OLFM1: variants seen among roughly 807,000 people sequenced by gnomAD.
OLFM1 encodes noelin.
A neutral mutation model predicts 49.7 loss-of-function variants in OLFM1; 9 were observed. The observed-to-expected ratio is 0.18, with a 90% confidence interval of 0.11 to 0.32. The LOEUF (loss-of-function observed/expected upper bound fraction) is 0.32, where lower values mean the gene tolerates loss of function less well. Ranked by LOEUF, OLFM1 falls within the 10% of genes least tolerant of loss-of-function variation. The pLI is 1.00. For synonymous variants in OLFM1, 240 were observed against 271.8 expected (o/e 0.88, Z 1.15); for missense variants, 369 against 661.8 (o/e 0.56, Z 4.85).
At chr9:135,114,894 C>T (rs566072197) in intron 5 of OLFM1, among the ~76,000 whole-genome samples, 4 of 152,144 alleles carry the variant, frequency 2.6e-5, no homozygotes, top group African/African-American at 9.7e-5. Flanking sequence ...GGATTATTCC[C>T]ATGTGCATGG....
intron 1 of OLFM1, chr9:135,077,280 G>A: frequency 6.9e-7 from 1 of 1,446,422 alleles, no homozygotes; most frequent in Non-Finnish European, 9.1e-7. Flanking sequence ...CCTTGGCAAA[G>A]AGATGGCTGA....
At position 135,088,618 on chromosome 9, in the gene OLFM1, C is replaced by T. The variant is rs1377695079; in HGVS notation, c.150+479C>T. 2.6e-5 allele frequency among the ~76,000 whole-genome samples: 4 copies of T among 151,814 alleles called. No individual in the cohort carries two copies. The highest frequency in any genetic ancestry group is 4.8e-5 in the African/African-American group (2 of 41,346). On this transcript the variant is annotated intron_variant, in intron 1 of 5. Coordinates refer to ENST00000371793, the MANE Select transcript of OLFM1 (RefSeq NM_001282611.2). This position sits in a 1 kb window ranked among gnomAD's most constrained non-coding sequence, Gnocchi z 4.8. ...CCTAGTTTGTAAAAGCCAGACTGGCCGGACCGGGCTGGGAGTGGGGCCCCA... is the reference window on the plus strand; with the variant it reads ...CCTAGTTTGTAAAAGCCAGACTGGCTGGACCGGGCTGGGAGTGGGGCCCCA...
At chr9:135,106,288 A>G (rs1363903271) in intron 4 of OLFM1, 1 of 160,294 alleles carries the variant, frequency 6.2e-6, no homozygotes, top group Non-Finnish European at 1.4e-5. Flanking sequence ...AGTGTCTCAC[A>G]CTGGGCCTGA....
rs2119138667 is a variant in OLFM1 at position 135,113,014 on chromosome 9, G to T, written c.783+6159G>T. On this transcript the variant is annotated intron_variant, in intron 5 of 5. Transcript: ENST00000371793. This position sits in a 1 kb window ranked among gnomAD's most constrained non-coding sequence, Gnocchi z 4.0. ...GGGAACCTGGGTGGAAGCAAGCTGT[G>T]TCGGGGTCAGGGCAGGCTTTGGATG... 6.6e-6 allele frequency among the ~76,000 whole-genome samples: 1 copy of T among 152,342 alleles called. No individual in the cohort carries two copies. The highest frequency in any genetic ancestry group is 2.4e-5 in the African/African-American group (1 of 41,580).
rs1220139008 is a variant in OLFM1 at position 135,120,052 on chromosome 9, C to T, written c.1332C>T (p.Asn444=). ...TYEYIDIPFQ[N]KYSHISMLDY... The stretch of plus-strand genomic sequence containing the variant: ...AATACATCGACATCCCATTCCAGAA[C>T]AAATACTCCCACATCTCCATGCTGG... The change falls in exon 6 of 6, where the codon AAC becomes AAT. Residue 444 remains asparagine (N), a synonymous_variant. Coordinates refer to ENST00000371793, the MANE Select transcript of OLFM1 (RefSeq NM_001282611.2). The T allele has an allele frequency of 6.2e-7, 1 of 1,614,090 alleles. No individual in the cohort carries two copies.
At chr9:135,087,231 G>C, upstream of OLFM1, 1 of 1,408,794 alleles carries the variant, frequency 7.1e-7, no homozygotes, top group Non-Finnish European at 9.2e-7. Context: ...CTGGGTTTCA[G>C]GCGACGGCCC....
chr9:135,095,172 T>C (rs561961103), intron 2 of OLFM1: 126 of 152,320 alleles, frequency 8.3e-4, no homozygotes, highest in African/African-American at 3.0e-3. Context: ...AAAACAGCGA[T>C]TCTTCATTTG....
At chr9:135,084,025 C>T (rs1046995424), upstream of OLFM1, among the ~76,000 whole-genome samples, 10 of 152,216 alleles carry the variant, frequency 6.6e-5, no homozygotes, top group Admixed American at 5.9e-4. The surrounding 1 kb of genome is among the most constrained non-coding windows in gnomAD (Gnocchi z 4.6). Context: ...AGCAGTTACG[C>T]CTCCACCCAT....
At chr9:135,094,353 T>C (rs1830757263) in intron 2 of OLFM1, among the ~76,000 whole-genome samples, 1 of 152,222 alleles carries the variant, frequency 6.6e-6, no homozygotes, top group Admixed American at 6.5e-5. Flanking sequence ...TCCAAATAGT[T>C]TGCAGCTAGT....
Position 135,120,103 on chromosome 9 carries a change from G to A in OLFM1, c.1383G>A (p.Leu461=). Residue 461 remains leucine (L), a synonymous_variant, in exon 6 of 6, where the codon CTG becomes CTA. Coordinates refer to ENST00000371793, the MANE Select transcript of OLFM1 (RefSeq NM_001282611.2). ...MLDYNPKDRA[L]YAWNNGHQIL... ...ACTACAACCCCAAGGACCGGGCCCT[G>A]TATGCCTGGAACAACGGCCACCAGA... The A allele has an allele frequency of 1.2e-6, 2 of 1,614,036 alleles. No individual in the cohort carries two copies. Among genetic ancestry groups the A allele is most frequent in the South Asian group, 1.1e-5 (1 of 91,072 alleles).
chr9:135,076,002 C>A, intron 1 of OLFM1: 3 of 1,437,960 alleles, frequency 2.1e-6, no homozygotes, highest in Non-Finnish European at 2.7e-6. Context: ...TGACCGGAGA[C>A]GGCGCTCCTC....
intron 3 of OLFM1, among the ~76,000 whole-genome samples, chr9:135,097,621 G>C (rs1830818117): frequency 1.3e-5 from 2 of 152,124 alleles, no homozygotes; most frequent in Non-Finnish European, 2.9e-5. Context: ...TTGTGACGAG[G>C]GAATCTCAAT....
Position 135,120,517 on chromosome 9 carries a change from G to A in OLFM1, c.*339G>A. 1 of 307,404 alleles carries A rather than the reference G, an allele frequency of 3.3e-6. No homozygotes were observed. The highest frequency in any genetic ancestry group is 6.0e-6 in the Non-Finnish European group (1 of 165,680). 19.0% of individuals were successfully genotyped at this position (307,404 alleles called of 1,614,324 possible). A position where few individuals can be genotyped will look rare whatever the true frequency, so the allele number is the denominator to read the frequency against. On this transcript the variant is annotated 3_prime_UTR_variant, in exon 6 of 6. Coordinates refer to ENST00000371793, the MANE Select transcript of OLFM1 (RefSeq NM_001282611.2). ...TCACCGGGGAAAAACCCACTGTTAG[G>A]ATGGCATGAACATTTCCTTAGATCG...
chr9:135,076,359 G>T, intron 1 of OLFM1: 2 of 1,533,644 alleles, frequency 1.3e-6, no homozygotes, highest in Non-Finnish European at 1.8e-6. Context: ...AATATGCAGG[G>T]CTTGGGGGGC....
chr9:135,089,562 G>C (rs1177413310), intron 1 of OLFM1, among the ~76,000 whole-genome samples: 2 of 152,224 alleles, frequency 1.3e-5, no homozygotes, highest in African/African-American at 2.4e-5. Flanking sequence ...AATGGCTCGT[G>C]GGGGGAGCCC....
Position 135,087,986 on chromosome 9 carries a change from C to A in OLFM1, c.-4C>A. 1.4e-6 allele frequency: 2 copies of A among 1,442,956 alleles called. No individual in the cohort carries two copies. Among genetic ancestry groups the A allele is most frequent in the Non-Finnish European group, 9.2e-7 (1 of 1,088,176 alleles). The allele number at this position is 1,442,956 out of a possible 1,614,324, so 89.4% of individuals were successfully genotyped here. On this transcript the variant is annotated 5_prime_UTR_variant, in exon 1 of 6. Coordinates refer to ENST00000371793, the MANE Select transcript of OLFM1 (RefSeq NM_001282611.2). ...AGCGGGCGCTGGAGGCAGCTCGAGG[C>A]GCGATGTCGGTGCCGCTGCTCAAGA... is the stretch of plus-strand genomic sequence containing the variant.
chr9:135,100,097 G>T (rs527459725), intron 4 of OLFM1, among the ~76,000 whole-genome samples: 83 of 152,264 alleles, frequency 5.5e-4, no homozygotes, highest in African/African-American at 1.9e-3. Flanking sequence ...GGGTCTTTTT[G>T]TTGTTGTTAT....
At chr9:135,090,431 C>A (rs1358255451) in intron 2 of OLFM1, 87 bp downstream of exon 2, 3 of 1,390,292 alleles carry the variant, frequency 2.2e-6, no homozygotes, top group African/African-American at 1.4e-5. Flanking sequence ...CTCACACCAG[C>A]ACCAAGGCTT....
At chr9:135,104,791 A>ATGGCTCCTCCCTCCCACCTCC (rs1830918032) in intron 4 of OLFM1, among the ~76,000 whole-genome samples, 1 of 152,146 alleles carries the variant, frequency 6.6e-6, no homozygotes, top group Non-Finnish European at 1.5e-5. Context: ...GAGCCCAGCC[A>ATGGCTCCTCCCTCCCACCTCC]TGGCTCCTCC....
Sources: gnomAD v4.1 joint callset for allele counts (sites outside exome capture counted in the v4.1 genomes callset) on GRCh38, gnomAD v4.1.1 for gene constraint, Gnocchi (gnomAD v3.1) non-coding constraint, MANE v1.5 for transcripts, NCBI Gene and HGNC (gene_info 2026-07-23, HGNC 2026-07-21) for gene names.